Variants in SCFD2 observed in about 807,000 individuals in gnomAD.
The protein encoded by SCFD2 is sec1 family domain-containing protein 2.
SCFD2 carries 54 observed loss-of-function variants against 58.9 expected under a neutral mutation model. The observed-to-expected ratio is 0.92, with a 90% CI of 0.74 to 1.15. SCFD2 has a LOEUF of 1.15. SCFD2 is among the 50% of genes most tolerant of loss of function. SCFD2 has a pLI of 0.00. For synonymous variants in SCFD2, 321 were observed against 335.9 expected (o/e 0.96, Z 0.49); for missense variants, 805 against 836.6 (o/e 0.96, Z 0.47).
intron 5 of SCFD2, among the ~76,000 whole-genome samples, chr4:52,928,217 T>G (rs1021109325): frequency 3.9e-4 from 59 of 152,192 alleles, no homozygotes; most frequent in African/African-American, 1.4e-3. Context: ...ATACCTGTAG[T>G]CTCAGCTGCT....
chr4:52,947,321 T>A (rs1304081222), intron 5 of SCFD2, among the ~76,000 whole-genome samples: 1 of 152,188 alleles, frequency 6.6e-6, no homozygotes, highest in African/African-American at 2.4e-5. Context: ...CTTCATAGGC[T>A]TATGGCAGTT....
intron 5 of SCFD2, among the ~76,000 whole-genome samples, chr4:52,932,286 G>C (rs886389270): frequency 6.6e-6 from 1 of 152,188 alleles, no homozygotes; most frequent in Admixed American, 6.5e-5. Context: ...ACTTCATTCA[G>C]AGTTTAACTT....
At chr4:53,172,752 G>A (rs772652186) in intron 4 of SCFD2, among the ~76,000 whole-genome samples, 11 of 152,058 alleles carry the variant, frequency 7.2e-5, no homozygotes, top group Non-Finnish European at 1.2e-4. Flanking sequence ...TTGTTTTGTG[G>A]CCCAATATAT....
intron 7 of SCFD2, among the ~76,000 whole-genome samples, chr4:52,893,836 C>T (rs1718938130): frequency 6.6e-6 from 1 of 152,224 alleles, no homozygotes; most frequent in Admixed American, 6.5e-5. Flanking sequence ...TCTCACAGAA[C>T]TGCCTGGTTT....
intron 4 of SCFD2, among the ~76,000 whole-genome samples, chr4:53,146,677 G>T (rs922422642): frequency 6.6e-6 from 1 of 151,982 alleles, no homozygotes; most frequent in Non-Finnish European, 1.5e-5. Flanking sequence ...CTTATCCATG[G>T]TTTTGCTTTC....
chr4:53,236,548 G>A (rs1434999560), intron 4 of SCFD2, among the ~76,000 whole-genome samples: 3 of 150,040 alleles, frequency 2.0e-5, no homozygotes, highest in East Asian at 3.9e-4. Flanking sequence ...TTTAAATGGT[G>A]CTTCTTGTTA....
chr4:53,337,796 T>C (rs1420197884), intron 2 of SCFD2, among the ~76,000 whole-genome samples: 2 of 152,222 alleles, frequency 1.3e-5, no homozygotes, highest in Non-Finnish European at 2.9e-5. Flanking sequence ...GAAAGAATCC[T>C]GACACAAGAG....
rs369314124 is a variant in SCFD2, at chr4:52,960,429, C to T, written c.1562-39559G>A. The stretch of plus-strand genomic sequence containing the variant: ...TGTTGCCCAGGCTGGAGTGCAATGG[C>T]GCGATCTTGGCTCACCACAACCTCC... On this transcript the variant is annotated intron_variant, in intron 5 of 8. Coordinates refer to ENST00000401642, the MANE Select transcript of SCFD2 (RefSeq NM_152540.4). 5.6e-4 allele frequency among the ~76,000 whole-genome samples: 84 copies of T among 150,188 alleles called. No homozygotes were observed. In the South Asian group the frequency reaches 0.015, roughly 27 times the overall value.
intron 5 of SCFD2, among the ~76,000 whole-genome samples, chr4:52,941,391 C>A (rs1015563735): frequency 1.3e-5 from 2 of 152,170 alleles, no homozygotes; most frequent in Non-Finnish European, 2.9e-5. Context: ...GCTTTTCTGA[C>A]ATTTATTTCT....
At chr4:53,231,623 T>C (rs1426371050) in intron 4 of SCFD2, among the ~76,000 whole-genome samples, 1 of 152,162 alleles carries the variant, frequency 6.6e-6, no homozygotes, top group African/African-American at 2.4e-5. Context: ...ATCAGGTGGG[T>C]GCCATTAAAA....
At chr4:53,188,638 T>C (rs1246139259) in intron 4 of SCFD2, among the ~76,000 whole-genome samples, 4 of 152,160 alleles carry the variant, frequency 2.6e-5, no homozygotes, top group African/African-American at 9.6e-5. Flanking sequence ...TTACCAAAGA[T>C]TCCCAAAGTA....
At chr4:53,334,390 G>T (rs1308037661) in intron 2 of SCFD2, among the ~76,000 whole-genome samples, 1 of 152,002 alleles carries the variant, frequency 6.6e-6, no homozygotes, top group Non-Finnish European at 1.5e-5. Flanking sequence ...AGAAAATGTG[G>T]CACATATACA....
At chr4:53,063,067 T>A (rs764558093) in intron 5 of SCFD2, among the ~76,000 whole-genome samples, 1 of 152,178 alleles carries the variant, frequency 6.6e-6, no homozygotes, top group East Asian at 1.9e-4. Context: ...ATTATAAATA[T>A]AGGTTTATAT....
chr4:53,272,436 G>T (rs942676155), intron 4 of SCFD2, among the ~76,000 whole-genome samples: 1 of 152,112 alleles, frequency 6.6e-6, no homozygotes, highest in Non-Finnish European at 1.5e-5. Context: ...CAATAGCAAA[G>T]ACTTGGAACC....
At chr4:52,949,318 G>T (rs1720525958) in intron 5 of SCFD2, 1 of 151,384 alleles carries the variant, frequency 6.6e-6, no homozygotes, top group South Asian at 2.1e-4. Context: ...TTTTAACAAT[G>T]GCATCTTTTC....
At chr4:52,930,835 G>A (rs1487525586) in intron 5 of SCFD2, among the ~76,000 whole-genome samples, 2 of 152,130 alleles carry the variant, frequency 1.3e-5, no homozygotes, top group Admixed American at 6.5e-5. Context: ...AGCATTCAGA[G>A]TAACTGAAAT....
At chr4:53,254,486 CTTTT>C (rs796766166) in intron 4 of SCFD2, among the ~76,000 whole-genome samples, 1 of 145,558 alleles carries the variant, frequency 6.9e-6, no homozygotes, top group Non-Finnish European at 1.5e-5. Context: ...TTCTTTTTTT[CTTTT>C]TTTTTTTGTT....
chr4:52,903,809 T>C (rs1719281156), intron 7 of SCFD2, among the ~76,000 whole-genome samples: 2 of 152,220 alleles, frequency 1.3e-5, no homozygotes, highest in South Asian at 4.1e-4. Context: ...TTAAAACCAT[T>C]AAATTGATAT....
chr4:52,905,464 C>T (rs113939902), intron 7 of SCFD2, among the ~76,000 whole-genome samples: 381 of 152,310 alleles, frequency 2.5e-3, no homozygotes, highest in African/African-American at 8.8e-3. Context: ...AGAACTCTCC[C>T]CCACCCCCTG....
Sources: allele counts gnomAD v4.1 joint callset (sites outside exome capture counted in the v4.1 genomes callset), GRCh38; gene constraint gnomAD v4.1.1; transcripts MANE v1.5; gene names NCBI Gene and HGNC (gene_info 2026-07-23, HGNC 2026-07-21).